PCDHA13: variants seen among roughly 807,000 people sequenced by gnomAD.
The protein encoded by PCDHA13 is protocadherin alpha 13, also known as protocadherin alpha-13.
In PCDHA13, 54 loss-of-function variants were observed where a neutral mutation model predicts 64.8. The ratio of observed to expected loss-of-function variants is 0.83; its 90% CI spans 0.67 to 1.04. The LOEUF (loss-of-function observed/expected upper bound fraction) is 1.04, where lower values mean the gene tolerates loss of function less well. PCDHA13 is among the 50% of genes least tolerant of loss of function. The pLI is 0.00. For missense variants in PCDHA13, 1,248 were observed against 1,254.3 expected (o/e 0.99, Z 0.08); for synonymous variants, 587 against 564.4 (o/e 1.04, Z -0.57).
chr5:140,931,147 A>G (rs1469532498), intron 1 of PCDHA13, among the ~76,000 whole-genome samples: 1 of 152,206 alleles, frequency 6.6e-6, no homozygotes, highest in Non-Finnish European at 1.5e-5. Context: ...AGTGGATACT[A>G]TTTAATAGAA....
chr5:140,967,528 T>C, intron 1 of PCDHA13: 3 of 1,613,146 alleles, frequency 1.9e-6, no homozygotes, highest in Non-Finnish European at 2.5e-6. Context: ...ACGACAACTC[T>C]CCTGCCTTTG....
At chr5:140,948,773 G>A (rs991446033) in intron 1 of PCDHA13, among the ~76,000 whole-genome samples, 12 of 151,352 alleles carry the variant, frequency 7.9e-5, no homozygotes, top group Non-Finnish European at 1.6e-4. Context: ...CGAATAGCCA[G>A]CTTTTGGCTT....
At position 140,882,960 on chromosome 5, in the gene PCDHA13, C is replaced by G; in HGVS notation, c.692C>G (p.Thr231Arg). 6.8e-6 allele frequency: 11 copies of G among 1,614,166 alleles called. No individual in the cohort carries two copies. Among genetic ancestry groups the G allele is most frequent in the Non-Finnish European group, 5.9e-6 (7 of 1,180,046 alleles). ...ACTGGCACAGTTCAGCTGCTCATCA[C>G]GATTCTGGACGTGAATGACAACGCC... ...ELTGTVQLLI[T>R]ILDVNDNAPE... Residue 231 changes from threonine (T) to arginine (R), a missense_variant, in exon 1 of 4, where the codon ACG (threonine) becomes AGG (arginine). Transcript: ENST00000289272.
intron 1 of PCDHA13, among the ~76,000 whole-genome samples, chr5:140,890,853 C>T (rs1202284942): frequency 1.3e-5 from 2 of 152,058 alleles, no homozygotes; most frequent in Non-Finnish European, 2.9e-5. Flanking sequence ...GTTTCTCTTC[C>T]TTACTTCTTG....
Position 140,883,980 on chromosome 5 carries a change from G to A in PCDHA13, c.1712G>A (p.Gly571Asp). The A allele has an allele frequency of 6.2e-7, 1 of 1,612,872 alleles. No homozygotes were observed. The highest frequency in any genetic ancestry group is 8.5e-7 in the Non-Finnish European group (1 of 1,179,638). Residue 571 changes from glycine (G) to aspartate (D), a missense_variant, in exon 1 of 4, where the codon GGC (glycine) becomes GAC (aspartate). Gly to Asp is a moderately conservative substitution (Grantham distance 94). Transcript: ENST00000289272. ...CCGGCGCTGCTGACGCCCGGGGCTG[G>A]CAGCGCGGGAGGCACAGTGAGCGAG... The part of the protein sequence containing the change: ...NAPALLTPGA[G>D]SAGGTVSELM...
In PCDHA13 at chr5:140,927,607, C is replaced by G. The variant is rs558609705; in HGVS notation, c.2394+42945C>G. On this transcript the variant is annotated intron_variant, in intron 1 of 3. Transcript: ENST00000289272. ...GCCTGTATTTGAGCGCTCCGTATACCGCACCAAGGTTCCAGAGACTGCACC... is the reference window on the plus strand; with the variant it reads ...GCCTGTATTTGAGCGCTCCGTATACGGCACCAAGGTTCCAGAGACTGCACC... 1.5e-5 allele frequency: 24 copies of G among 1,614,180 alleles called. 1 individual carries two copies. In the South Asian group the frequency reaches 2.6e-4, roughly 18 times the overall value.
rs546510910 is a variant in PCDHA13, at chr5:140,894,996, C to G, written c.2394+10334C>G. ...GTCTTACTTTGTGACATCCTTTACC[C>G]TTTTTACTTGGACCTTTTTCCTTTG... is the stretch of plus-strand genomic sequence containing the variant. On this transcript the variant is annotated intron_variant, in intron 1 of 3. Transcript: ENST00000289272. Among the ~76,000 whole-genome samples, 5 of 152,204 alleles carry G rather than the reference C, an allele frequency of 3.3e-5. No homozygotes were observed. The East Asian group carries it at 9.6e-4, about 29-fold the overall frequency.
At position 140,928,256 on chromosome 5, in the gene PCDHA13, CT is replaced by C. The variant is rs1563103175; in HGVS notation, c.2394+43595del. 2.5e-6 allele frequency: 4 copies of C among 1,614,234 alleles called. No homozygotes were observed. The Admixed American group carries it at 6.7e-5, about 27-fold the overall frequency. On this transcript the variant is annotated intron_variant, in intron 1 of 3. Transcript: ENST00000289272. ...CAACCCCAGCAGGAACTTTTCGTTG[CT>C]GAAAACAATGGCCCTGGGGCCTCTC... is the stretch of plus-strand genomic sequence containing the variant.
chr5:140,899,541 T>C (rs1469690137), intron 1 of PCDHA13, among the ~76,000 whole-genome samples: 2 of 152,210 alleles, frequency 1.3e-5, no homozygotes, highest in South Asian at 2.1e-4. Context: ...CACTTGATCA[T>C]GGTGGATAAG....
At chr5:140,910,907 G>T (rs1554194477) in intron 1 of PCDHA13, among the ~76,000 whole-genome samples, 3 of 152,102 alleles carry the variant, frequency 2.0e-5, no homozygotes, top group Admixed American at 2.0e-4. Flanking sequence ...CTGTCCTCCA[G>T]ATTTTTGCTT....
chr5:140,882,945 T>C lies in PCDHA13; in HGVS notation c.677T>C (p.Val226Ala), dbSNP rs1554176195. 1 of 1,614,194 alleles carries C rather than the reference T, an allele frequency of 6.2e-7. No individual in the cohort carries two copies. The highest frequency in any genetic ancestry group is 8.5e-7 in the Non-Finnish European group (1 of 1,180,020). ...GGTAAACCCGAGCTGACTGGCACAG[T>C]TCAGCTGCTCATCACGATTCTGGAC... Reference protein sequence around the residue: ...DGGKPELTGTVQLLITILDVN... With the variant: ...DGGKPELTGTAQLLITILDVN... Residue 226 changes from valine (V) to alanine (A), a missense_variant, in exon 1 of 4, where the codon GTT (valine) becomes GCT (alanine). Transcript: ENST00000289272.
chr5:140,966,486 C>G (rs1563351032), intron 1 of PCDHA13: 1 of 432,846 alleles, frequency 2.3e-6, no homozygotes. Context: ...CTTTTCCCTC[C>G]CCCTGGAGCT....
chr5:140,982,221 A>T, intron 2 of PCDHA13: 1 of 546,340 alleles, frequency 1.8e-6, no homozygotes. Flanking sequence ...ACATGGCGTT[A>T]ATAAAAAACA....
chr5:140,897,671 C>T (rs1329195952), intron 1 of PCDHA13, among the ~76,000 whole-genome samples: 1 of 152,066 alleles, frequency 6.6e-6, no homozygotes, highest in Non-Finnish European at 1.5e-5. Flanking sequence ...GTCTTTATAG[C>T]AGCATGATTT....
chr5:140,999,885 G>A (rs1250861955), intron 3 of PCDHA13, among the ~76,000 whole-genome samples: 1 of 152,200 alleles, frequency 6.6e-6, no homozygotes, highest in Non-Finnish European at 1.5e-5. Context: ...TAGCCCAGCT[G>A]TAGCTTGGGA....
chr5:140,987,805 C>T (rs2097269328), intron 3 of PCDHA13, among the ~76,000 whole-genome samples: 3 of 152,140 alleles, frequency 2.0e-5, no homozygotes. Flanking sequence ...TTTAAAGTGC[C>T]TGTCTCTTTG....
chr5:140,924,008 C>T lies in PCDHA13; in HGVS notation c.2394+39346C>T, dbSNP rs75028295. On this transcript the variant is annotated intron_variant, in intron 1 of 3. Coordinates refer to ENST00000289272, the MANE Select transcript of PCDHA13 (RefSeq NM_018904.3). ...TAGGTGCAGCTCAGAATTCCTAAAC[C>T]TGGTATAATTGGAGGCATGGCTGCA... 7.8e-3 allele frequency among the ~76,000 whole-genome samples: 1,191 copies of T among 152,262 alleles called. 21 individuals are homozygous for T. The highest frequency in any genetic ancestry group is 0.026 in the African/African-American group (1,098 of 41,552).
chr5:140,905,593 G>C (rs781937038), intron 1 of PCDHA13, among the ~76,000 whole-genome samples: 1 of 152,072 alleles, frequency 6.6e-6, no homozygotes, highest in Non-Finnish European at 1.5e-5. Context: ...TATTTTGCTG[G>C]GAATTGCATT....
At chr5:140,892,552 T>A (rs1041756319) in intron 1 of PCDHA13, among the ~76,000 whole-genome samples, 1 of 152,222 alleles carries the variant, frequency 6.6e-6, no homozygotes, top group East Asian at 1.9e-4. Flanking sequence ...GTTTCTCTAG[T>A]CCTTGGAGAC....
Sources: allele counts gnomAD v4.1 joint callset (sites outside exome capture counted in the v4.1 genomes callset), GRCh38; gene constraint gnomAD v4.1.1; transcripts MANE v1.5; gene names NCBI Gene and HGNC (gene_info 2026-07-23, HGNC 2026-07-21).